The following RRP7A variants were observed in gnomAD, a reference collection of about 807,000 sequenced individuals.
RRP7A encodes ribosomal RNA processing 7 homolog A.
A neutral mutation model predicts 38.4 loss-of-function variants in RRP7A; 27 were observed. The observed-to-expected ratio is 0.70, with a 90% CI of 0.52 to 0.97. The LOEUF (loss-of-function observed/expected upper bound fraction) is 0.97. Ranked by LOEUF, RRP7A falls within the 50% of genes least tolerant of loss-of-function variation. RRP7A has a pLI of 0.00. For synonymous variants in RRP7A, 124 were observed against 150.3 expected, an observed-to-expected ratio of 0.83 and a Z score of 1.28; for missense variants, 327 against 375.4, an observed-to-expected ratio of 0.87 and a Z score of 1.07.
chr22:42,519,669 G>T (rs1258971235), intron 1 of RRP7A, 45 bp downstream of exon 1: 7 of 1,420,306 alleles, frequency 4.9e-6, no homozygotes. Flanking sequence ...AACACCTCCC[G>T]GCGATGCCTG....
rs1409893608 is a variant in RRP7A at position 42,512,758 on chromosome 22, T to A, written c.*152A>T. 1.3e-6 allele frequency: 1 copy of A among 786,080 alleles called. No individual in the cohort carries two copies. Among genetic ancestry groups the A allele is most frequent in the Non-Finnish European group, 2.1e-6 (1 of 466,208 alleles). 48.7% of individuals were successfully genotyped at this position (786,080 alleles called of 1,614,324 possible). On this transcript the variant is annotated 3_prime_UTR_variant, in exon 7 of 7. Coordinates refer to ENST00000323013, the MANE Select transcript of RRP7A (RefSeq NM_015703.5). ...GAGGGGTGGCCTGGTCCTTCCCTCCTGGCCTGTGTGGACTCTGATGGGGCT... is the reference window on the plus strand; with the variant it reads ...GAGGGGTGGCCTGGTCCTTCCCTCCAGGCCTGTGTGGACTCTGATGGGGCT...
chr22:42,515,433 G>T (rs1601806999), intron 3 of RRP7A, among the ~76,000 whole-genome samples, 165 bp from the exon 4 acceptor site: 1 of 152,370 alleles, frequency 6.6e-6, no homozygotes, highest in Admixed American at 6.5e-5. Context: ...CAGGTCAGAG[G>T]CAGCCACACT....
At chr22:42,518,399 G>A (rs2281105) in intron 1 of RRP7A, among the ~76,000 whole-genome samples, 15,080 of 150,388 alleles carry the variant, frequency 0.1, 1,915 homozygotes, top group East Asian at 0.74. Context: ...AGATGGGGGC[G>A]CAATGAGAGG....
At position 42,516,039 on chromosome 22, in the gene RRP7A, G is replaced by A. The variant is rs370572764; in HGVS notation, c.314C>T (p.Ser105Leu). 4.7e-5 allele frequency: 76 copies of A among 1,605,990 alleles called. No homozygotes were observed. In the East Asian group the frequency reaches 8.5e-4, roughly 18 times the overall value. The change falls in exon 3 of 7, where the codon TCG (serine) becomes TTG (leucine). Residue 105 changes from serine to leucine, a missense_variant. Physicochemically the swap from Ser to Leu is moderately radical, Grantham distance 145. This residue lies in a region of RRP7A where 183 missense variants were observed against 141.8 expected (regional missense o/e 1.29). Coordinates refer to ENST00000323013, the MANE Select transcript of RRP7A (RefSeq NM_015703.5). ...DLAESPKESR[S>L]KFFHPKPVPG... ...AACTGGCTTGGGATGAAAAAACTTC[G>A]ACCTTGACTCCTTTGGGCTCTCAGC...
In RRP7A at chr22:42,509,589, C is replaced by G. The variant is rs1459761071; in HGVS notation, c.*3321G>C. On this transcript the variant is annotated 3_prime_UTR_variant, in exon 7 of 7. Coordinates refer to ENST00000323013, the MANE Select transcript of RRP7A (RefSeq NM_015703.5). ...CTCATGATCCGCCTGCCTCGGCCTC[C>G]CAGTGTTGGGATTACAGGCGAGAGC... Among the ~76,000 whole-genome samples the G allele has an allele frequency of 1.3e-5, 2 of 151,386 alleles. No homozygotes were observed. The highest frequency in any genetic ancestry group is 3.4e-3 in the Middle Eastern group (1 of 292).
chr22:42,513,268 C>A (rs538612754), intron 6 of RRP7A, among the ~76,000 whole-genome samples: 1 of 136,302 alleles, frequency 7.3e-6, no homozygotes, highest in Non-Finnish European at 1.6e-5. Flanking sequence ...CAAAGGTACC[C>A]GCCCCCACCC....
Position 42,509,767 on chromosome 22 carries a change from C to G in RRP7A, c.*3143G>C, listed in dbSNP as rs913388279. ...CGTGTTGTATGGCTGCATTCACGTTCAAGTCCAAATAGGACACACGGCAGA... is the reference window on the plus strand; with the variant it reads ...CGTGTTGTATGGCTGCATTCACGTTGAAGTCCAAATAGGACACACGGCAGA... On this transcript the variant is annotated 3_prime_UTR_variant, in exon 7 of 7. Transcript: ENST00000323013. Among the ~76,000 whole-genome samples the G allele has an allele frequency of 2.1e-5, 3 of 140,244 alleles. No homozygotes were observed. The highest frequency in any genetic ancestry group is 2.2e-4 in the South Asian group (1 of 4,630). The allele number at this position is 140,244 out of a possible 152,430, so 92.0% of individuals were successfully genotyped here. A position where few individuals can be genotyped will look rare whatever the true frequency, so the allele number is the denominator to read the frequency against.
At chr22:42,516,444 G>T (rs761191772) in intron 2 of RRP7A, 20 of 424,168 alleles carry the variant, frequency 4.7e-5, no homozygotes, top group Middle Eastern at 7.2e-4. Flanking sequence ...CGAGCAGCTG[G>T]GATTACAAGC....
intron 1 of RRP7A, among the ~76,000 whole-genome samples, chr22:42,519,312 G>A (rs1243623016): frequency 2.6e-5 from 4 of 151,530 alleles, no homozygotes; most frequent in African/African-American, 7.3e-5. Context: ...GGGGCAAGAG[G>A]AGAAGGAGGG....
intron 1 of RRP7A, chr22:42,518,494 G>C: frequency 4.7e-6 from 2 of 424,244 alleles, no homozygotes; most frequent in Non-Finnish European, 9.8e-6. Flanking sequence ...CTGTCACTGT[G>C]ACCTCTTCTC....
Position 42,510,853 on chromosome 22 carries a change from T to A in RRP7A, c.*2057A>T, listed in dbSNP as rs1932436699. On this transcript the variant is annotated 3_prime_UTR_variant, in exon 7 of 7. Coordinates refer to ENST00000323013, the MANE Select transcript of RRP7A (RefSeq NM_015703.5). ...CAGGCCCAACAAGTGACCACCAGGA[T>A]CTATCAGGCCTCATGCTCCAGTGAT... 3 of 1,121,486 alleles carry A rather than the reference T, an allele frequency of 2.7e-6. No individual in the cohort carries two copies. The highest frequency in any genetic ancestry group is 3.4e-6 in the Non-Finnish European group (3 of 885,096). The allele number at this position is 1,121,486 out of a possible 1,614,324, so 69.5% of individuals were successfully genotyped here. A position where few individuals can be genotyped will look rare whatever the true frequency, so the allele number is the denominator to read the frequency against.
rs974099614 is a variant in RRP7A, at chr22:42,508,442, C to T, written c.*4468G>A. 3.3e-5 allele frequency among the ~76,000 whole-genome samples: 5 copies of T among 151,946 alleles called. No individual in the cohort carries two copies. In the South Asian group the frequency reaches 1.0e-3, roughly 31 times the overall value. On this transcript the variant is annotated 3_prime_UTR_variant, in exon 7 of 7. Transcript: ENST00000323013. ...TTTGCATGCTGTTTTCCAAATCCAG[C>T]TTCGTGTCACACCTACAGCACATCT...
Position 42,512,021 on chromosome 22 carries a change from G to A in RRP7A, c.*889C>T. On this transcript the variant is annotated 3_prime_UTR_variant, in exon 7 of 7. Transcript: ENST00000323013. Reference sequence around the variant, plus strand: ...GTGGGAGGCGCTCCTGACCTGCAGGGAGCTGGAATGCTGTGGGAGGGCCCT... The same window carrying A: ...GTGGGAGGCGCTCCTGACCTGCAGGAAGCTGGAATGCTGTGGGAGGGCCCT... 2 of 804,690 alleles carry A rather than the reference G, an allele frequency of 2.5e-6. No homozygotes were observed. The highest frequency in any genetic ancestry group is 1.7e-5 in the African/African-American group (1 of 59,272). The allele number at this position is 804,690 out of a possible 1,614,324, so 49.8% of individuals were successfully genotyped here.
chr22:42,518,426 G>A (rs1409720933), intron 1 of RRP7A, among the ~76,000 whole-genome samples: 15 of 151,846 alleles, frequency 9.9e-5, no homozygotes, highest in African/African-American at 3.1e-4. Flanking sequence ...CGAACCCTGC[G>A]GCTCTTGGAG....
rs755740922 is a variant in RRP7A at position 42,514,760 on chromosome 22, T to C, written c.480A>G (p.Ala160=). The C allele has an allele frequency of 1.9e-6, 3 of 1,610,748 alleles. No individual in the cohort carries two copies. The highest frequency in any genetic ancestry group is 2.5e-6 in the Non-Finnish European group (3 of 1,178,608). ...GGGCCTCAGGGTCGGGCACAGAGTC[T>C]GCGTAGTCACTGATCCACTCTGAGG... ...SGIHKWISDY[A]DSVPDPEALR... Residue 160 remains alanine (A), a synonymous_variant, in exon 5 of 7, where the codon GCA becomes GCG. Transcript: ENST00000323013.
chr22:42,516,846 C>G lies in RRP7A; in HGVS notation c.217-710G>C, dbSNP rs562209796. Among the ~76,000 whole-genome samples, 620 of 152,258 alleles carry G rather than the reference C, an allele frequency of 4.1e-3. 2 individuals are homozygous for G. Among genetic ancestry groups the G allele is most frequent in the African/African-American group, 0.014 (561 of 41,500 alleles). On this transcript the variant is annotated intron_variant, in intron 2 of 6. Coordinates refer to ENST00000323013, the MANE Select transcript of RRP7A (RefSeq NM_015703.5). ...GGGATGCAGCGAGCTGGACACTTGCCACTGGGGCCCTTCCAGGCACACATG... is the reference window on the plus strand; with the variant it reads ...GGGATGCAGCGAGCTGGACACTTGCGACTGGGGCCCTTCCAGGCACACATG...
Position 42,518,086 on chromosome 22 carries a change from G to C in RRP7A, c.135C>G (p.His45Gln). 6.2e-7 allele frequency: 1 copy of C among 1,613,976 alleles called. No homozygotes were observed. The highest frequency in any genetic ancestry group is 8.5e-7 in the Non-Finnish European group (1 of 1,179,902). Reference sequence around the variant, plus strand: ...TGGACTTGGTGCCTTGTCGAACGCCGTGTGCTCTCACATAGAGGTAGTGAG... The same window carrying C: ...TGGACTTGGTGCCTTGTCGAACGCCCTGTGCTCTCACATAGAGGTAGTGAG... ...QASHYLYVRAHGVRQGTKSTW... is the reference protein window; with the variant it reads ...QASHYLYVRAQGVRQGTKSTW... The change falls in exon 2 of 7, where the codon CAC becomes CAG. Residue 45 changes from histidine to glutamine, a missense_variant. His to Gln is a conservative substitution (Grantham distance 24). This residue lies in a region of RRP7A where 183 missense variants were observed against 141.8 expected (regional missense o/e 1.29). Transcript: ENST00000323013.
At position 42,508,711 on chromosome 22, in the gene RRP7A, A is replaced by G. The variant is rs397839819; in HGVS notation, c.*4199T>C. Among the ~76,000 whole-genome samples the G allele has an allele frequency of 1.3e-5, 2 of 152,238 alleles. No homozygotes were observed. The highest frequency in any genetic ancestry group is 2.9e-5 in the Non-Finnish European group (2 of 68,032). ...ACCTAAGTCCTAAAATCCAGGCCCA[A>G]AAGTGGCCCAACTCACTTCTCTGAC... On this transcript the variant is annotated 3_prime_UTR_variant, in exon 7 of 7. Coordinates refer to ENST00000323013, the MANE Select transcript of RRP7A (RefSeq NM_015703.5).
intron 3 of RRP7A, 21 bp downstream of exon 3, chr22:42,515,990 A>T: frequency 1.3e-6 from 2 of 1,569,254 alleles, no homozygotes; most frequent in Non-Finnish European, 1.7e-6. Context: ...CTCTAGTGGA[A>T]CCCCGGGCTT....
Sources: gnomAD v4.1 joint callset for allele counts (sites outside exome capture counted in the v4.1 genomes callset) on GRCh38, gnomAD v4.1.1 for gene constraint, gnomAD v4.1.1 regional missense constraint, MANE v1.5 for transcripts, NCBI Gene and HGNC (gene_info 2026-07-23, HGNC 2026-07-21) for gene names.